PPP1R12A: variants seen among roughly 807,000 people sequenced by gnomAD.
The protein encoded by PPP1R12A is myosin binding subunit.
In PPP1R12A, 19 loss-of-function variants were observed where a neutral mutation model predicts 139.6. The observed-to-expected ratio is 0.14, with a 90% CI of 0.09 to 0.20. The LOEUF is 0.20. PPP1R12A is among the 10% of genes least tolerant of loss of function. The pLI is 1.00. For synonymous variants in PPP1R12A, 427 were observed against 420.6 expected (o/e 1.02, Z -0.19); for missense variants, 925 against 1,211.5 (o/e 0.76, Z 3.51).
chr12:79,845,710 C>A lies in PPP1R12A; in HGVS notation c.369-290G>T, dbSNP rs1879298954. Among the ~76,000 whole-genome samples, 4 of 152,064 alleles carry A rather than the reference C, an allele frequency of 2.6e-5. No individual in the cohort carries two copies. The South Asian group carries it at 8.3e-4, about 32-fold the overall frequency. Reference sequence around the variant, plus strand: ...AATTAGCCGGGCGTGGTGGTGGGCGCCTGTAGTCCCAGCTACTCAGGAGGC... The same window carrying A: ...AATTAGCCGGGCGTGGTGGTGGGCGACTGTAGTCCCAGCTACTCAGGAGGC... On this transcript the variant is annotated intron_variant, in intron 2 of 24. Coordinates refer to ENST00000450142, the MANE Select transcript of PPP1R12A (RefSeq NM_002480.3).
At chr12:79,930,111 A>G (rs1208904220) in intron 1 of PPP1R12A, among the ~76,000 whole-genome samples, 1 of 152,222 alleles carries the variant, frequency 6.6e-6, no homozygotes, top group Non-Finnish European at 1.5e-5. Flanking sequence ...TTATTGCAGG[A>G]GAGGCAGAAT....
rs542364465 is a variant in PPP1R12A at position 79,780,085 on chromosome 12, T to C, written c.2956-1485A>G. On this transcript the variant is annotated intron_variant, in intron 23 of 24. Transcript: ENST00000450142. ...TGGGTGTGGAGACATGCACCTGTAGTGCCAGCTATTCTGGAGGCTGATGCA... is the reference window on the plus strand; with the variant it reads ...TGGGTGTGGAGACATGCACCTGTAGCGCCAGCTATTCTGGAGGCTGATGCA... 2.6e-5 allele frequency: 4 copies of C among 152,246 alleles called. No individual in the cohort carries two copies. The Middle Eastern group carries it at 0.01, about 388-fold the overall frequency. 9.4% of individuals were successfully genotyped at this position (152,246 alleles called of 1,614,324 possible).
At chr12:79,808,952 T>C (rs1874188882) in intron 10 of PPP1R12A, among the ~76,000 whole-genome samples, 1 of 152,194 alleles carries the variant, frequency 6.6e-6, no homozygotes, top group Admixed American at 6.5e-5. Context: ...CAAGCATTTA[T>C]ATTATATAAG....
chr12:79,911,054 T>C (rs1394695478), intron 1 of PPP1R12A, among the ~76,000 whole-genome samples: 1 of 152,216 alleles, frequency 6.6e-6, no homozygotes, highest in Non-Finnish European at 1.5e-5. Flanking sequence ...AATAGGTTGC[T>C]AGCAGCCATG....
intron 2 of PPP1R12A, among the ~76,000 whole-genome samples, chr12:79,866,918 G>A (rs527646050): frequency 5.9e-5 from 9 of 152,220 alleles, no homozygotes; most frequent in East Asian, 3.9e-4. Flanking sequence ...TGGCGATTCC[G>A]CAAGGATCTA....
intron 1 of PPP1R12A, among the ~76,000 whole-genome samples, chr12:79,901,022 A>G (rs1208141837): frequency 6.6e-6 from 1 of 152,156 alleles, no homozygotes; most frequent in East Asian, 1.9e-4. Flanking sequence ...GAAGGCTATA[A>G]AGACAAAATC....
At chr12:79,820,961 T>C in intron 7 of PPP1R12A, 30 bp from the exon 8 acceptor site, 3 of 1,610,310 alleles carry the variant, frequency 1.9e-6, no homozygotes, top group Non-Finnish European at 2.5e-6. Context: ...TTCAAATGAT[T>C]AGAAATACAA....
At chr12:79,911,079 C>T (rs1886526572) in intron 1 of PPP1R12A, among the ~76,000 whole-genome samples, 1 of 151,994 alleles carries the variant, frequency 6.6e-6, no homozygotes, top group African/African-American at 2.4e-5. Flanking sequence ...AACCTATTTA[C>T]CCCTACTACC....
intron 9 of PPP1R12A, among the ~76,000 whole-genome samples, chr12:79,815,777 T>A (rs1056754105): frequency 6.6e-6 from 1 of 152,184 alleles, no homozygotes; most frequent in South Asian, 2.1e-4. Context: ...AACTGAAGCA[T>A]ACATAATTAT....
intron 1 of PPP1R12A, among the ~76,000 whole-genome samples, chr12:79,920,821 C>A (rs181906167): frequency 5.3e-5 from 8 of 152,318 alleles, no homozygotes; most frequent in Non-Finnish European, 1.0e-4. Flanking sequence ...CCAGAGTTGA[C>A]CCTACAACCT....
intron 1 of PPP1R12A, among the ~76,000 whole-genome samples, chr12:79,894,566 TG>T (rs1454939808): frequency 6.6e-6 from 1 of 152,136 alleles, no homozygotes; most frequent in Non-Finnish European, 1.5e-5. Context: ...TTAAACATAC[TG>T]TCATAGATCC....
chr12:79,898,405 G>A (rs898379933), intron 1 of PPP1R12A, among the ~76,000 whole-genome samples: 31 of 152,170 alleles, frequency 2.0e-4, no homozygotes, highest in African/African-American at 7.0e-4. Context: ...GCAGTGAGCC[G>A]AGATGGTGCC....
At chr12:79,879,130 A>G (rs1883388549) in intron 1 of PPP1R12A, among the ~76,000 whole-genome samples, 1 of 152,234 alleles carries the variant, frequency 6.6e-6, no homozygotes, top group Non-Finnish European at 1.5e-5. Context: ...CTATAATCCC[A>G]ACACCTTGGG....
At chr12:79,809,561 T>C (rs1565751743) in intron 10 of PPP1R12A, among the ~76,000 whole-genome samples, 1 of 152,196 alleles carries the variant, frequency 6.6e-6, no homozygotes, top group Non-Finnish European at 1.5e-5. Flanking sequence ...TCAAGTAAGG[T>C]AATAGATTCC....
chr12:79,845,084 C>G (rs1013508775), intron 3 of PPP1R12A, among the ~76,000 whole-genome samples: 1 of 152,152 alleles, frequency 6.6e-6, no homozygotes. Context: ...TATGCCTGAT[C>G]CTGCTGCTTC....
chr12:79,891,076 A>G (rs763491619), intron 1 of PPP1R12A, among the ~76,000 whole-genome samples: 2 of 152,128 alleles, frequency 1.3e-5, no homozygotes, highest in African/African-American at 2.4e-5. Context: ...GCAGGGGGGA[A>G]CTACATTCCT....
At chr12:79,824,161 T>C (rs1485855623) in intron 5 of PPP1R12A, among the ~76,000 whole-genome samples, 7 of 152,216 alleles carry the variant, frequency 4.6e-5, no homozygotes, top group Non-Finnish European at 8.8e-5. Context: ...ATCAAATAAC[T>C]GGCTCAAAAC....
At chr12:79,795,307 TTAAA>T (rs2137022276) in intron 18 of PPP1R12A, among the ~76,000 whole-genome samples, 2 of 152,154 alleles carry the variant, frequency 1.3e-5, no homozygotes, top group African/African-American at 4.8e-5. Context: ...GAAAATGAAA[TTAAA>T]TAGACTCCTT....
chr12:79,795,846 GC>G, intron 17 of PPP1R12A, 87 bp from the exon 18 acceptor site: 1 of 1,351,028 alleles, frequency 7.4e-7, no homozygotes, highest in Non-Finnish European at 1.0e-6. Context: ...GGTAAAATGG[GC>G]CAGGGGACTA....
Sources: allele counts gnomAD v4.1 joint callset (sites outside exome capture counted in the v4.1 genomes callset), GRCh38; gene constraint gnomAD v4.1.1; transcripts MANE v1.5; gene names NCBI Gene and HGNC (gene_info 2026-07-23, HGNC 2026-07-21).